CACNA2D4: variants seen among roughly 807,000 people sequenced by gnomAD.
The protein encoded by CACNA2D4 is calcium voltage-gated channel auxiliary subunit alpha2delta 4, also known as voltage-dependent calcium channel subunit alpha-2/delta-4.
Under a neutral mutation model 163.8 loss-of-function variants are expected in CACNA2D4, and 157 were observed. The observed-to-expected ratio is 0.96, with a 90% CI of 0.84 to 1.09. The LOEUF (loss-of-function observed/expected upper bound fraction) is 1.09. Among genes scored for constraint, CACNA2D4 ranks in the 50% least tolerant of loss-of-function variants. The pLI, the probability that CACNA2D4 is intolerant of heterozygous loss-of-function variation, is 0.00. For synonymous variants in CACNA2D4, 598 were observed against 586.9 expected (o/e 1.02, Z -0.27); for missense variants, 1,410 against 1,479.9 (o/e 0.95, Z 0.78).
intron 1 of CACNA2D4, chr12:1,915,301 GT>G: frequency 1.4e-6 from 1 of 701,870 alleles, no homozygotes. Context: ...TCCTCGGCAG[GT>G]TCTCCTGCTG....
chr12:1,814,269 AG>A (rs1197123803), intron 26 of CACNA2D4, among the ~76,000 whole-genome samples: 1 of 152,090 alleles, frequency 6.6e-6, no homozygotes, highest in Admixed American at 6.5e-5. Context: ...GTGGGGGTGT[AG>A]GTGTTGAGGC....
In CACNA2D4 at chr12:1,869,082, A is replaced by G. The variant is rs1404357561; in HGVS notation, c.1878+5522T>C. Among the ~76,000 whole-genome samples the G allele has an allele frequency of 1.3e-5, 2 of 152,196 alleles. No homozygotes were observed. Among genetic ancestry groups the G allele is most frequent in the Admixed American group, 1.3e-4 (2 of 15,280 alleles). ...GGGATGACTGCGCATCACGTTGTGC[A>G]CCTTAAATATATACAATCGAAAAGC... On this transcript the variant is annotated intron_variant, in intron 18 of 37. Transcript: ENST00000382722. The surrounding 1 kb of genome is among the most constrained non-coding windows in gnomAD (Gnocchi z 4.7).
chr12:1,849,386 A>T (rs1487370647), intron 23 of CACNA2D4, among the ~76,000 whole-genome samples: 1 of 152,196 alleles, frequency 6.6e-6, no homozygotes, highest in Non-Finnish European at 1.5e-5. Context: ...CTCTATTCAG[A>T]ATAACAATGC....
chr12:1,811,724 C>A lies in CACNA2D4; in HGVS notation c.2552-1G>T. ...TCCAGCTTCATTTGGACGCCCGCGG[C>A]TACAGGGCAGAAAGAGAGAGGGCAA... On this transcript the variant is annotated splice_acceptor_variant, in intron 26 of 37. Transcript: ENST00000382722. LOFTEE classifies it high-confidence loss of function. The A allele has an allele frequency of 6.4e-7, 1 of 1,558,598 alleles. No individual in the cohort carries two copies. The highest frequency in any genetic ancestry group is 1.4e-5 in the African/African-American group (1 of 73,388).
At chr12:1,867,387 C>T (rs980873311) in intron 18 of CACNA2D4, among the ~76,000 whole-genome samples, 2 of 152,088 alleles carry the variant, frequency 1.3e-5, no homozygotes, top group African/African-American at 2.4e-5. Context: ...GTTTCTTTCT[C>T]TGTCTTTTTC....
chr12:1,797,693 G>A (rs141158279), intron 34 of CACNA2D4, 158 bp from the exon 35 acceptor site: 5 of 670,028 alleles, frequency 7.5e-6, no homozygotes, highest in South Asian at 6.2e-5. Context: ...CGGGCGGGGG[G>A]TGAGGGGAGG....
At chr12:1,867,475 C>A (rs1865678442) in intron 18 of CACNA2D4, among the ~76,000 whole-genome samples, 1 of 152,234 alleles carries the variant, frequency 6.6e-6, no homozygotes, top group South Asian at 2.1e-4. Flanking sequence ...TATTCTACAA[C>A]CTGCTGGGAA....
chr12:1,832,071 A>G lies in CACNA2D4; in HGVS notation c.2551+8668T>C, dbSNP rs556626048. ...CCCAAGTTTTATTATCCAAACTTTAAGAAGAAGTCAAATGGGTTAGGCTTT... is the reference window on the plus strand; with the variant it reads ...CCCAAGTTTTATTATCCAAACTTTAGGAAGAAGTCAAATGGGTTAGGCTTT... On this transcript the variant is annotated intron_variant, in intron 26 of 37. Transcript: ENST00000382722. Among the ~76,000 whole-genome samples, 26 of 152,368 alleles carry G rather than the reference A, an allele frequency of 1.7e-4. No homozygotes were observed. In the South Asian group the frequency reaches 5.2e-3, roughly 30 times the overall value.
At chr12:1,854,584 T>C (rs1865361087) in intron 22 of CACNA2D4, among the ~76,000 whole-genome samples, 1 of 152,178 alleles carries the variant, frequency 6.6e-6, no homozygotes, top group Non-Finnish European at 1.5e-5. Context: ...TTTTGTAATT[T>C]TTGTAGAGAC....
At chr12:1,819,662 C>G (rs940311894) in intron 26 of CACNA2D4, among the ~76,000 whole-genome samples, 1 of 152,192 alleles carries the variant, frequency 6.6e-6, no homozygotes, top group Non-Finnish European at 1.5e-5. Context: ...CAGCCACTTC[C>G]CATCTCTTAG....
intron 29 of CACNA2D4, among the ~76,000 whole-genome samples, chr12:1,808,912 G>A (rs1267684539): frequency 6.6e-6 from 1 of 152,210 alleles, no homozygotes; most frequent in Non-Finnish European, 1.5e-5. Context: ...GGGCATGAAA[G>A]GGAGAAGGGG....
chr12:1,834,605 T>G lies in CACNA2D4; in HGVS notation c.2551+6134A>C, dbSNP rs765496607. 6.2e-7 allele frequency: 1 copy of G among 1,600,078 alleles called. No individual in the cohort carries two copies. The highest frequency in any genetic ancestry group is 8.5e-7 in the Non-Finnish European group (1 of 1,179,900). ...GATGGTGGTGGCCGCTGCCTATGGC[T>G]GCATCTACGCCTCCCTCATGGCCAA... On this transcript the variant is annotated intron_variant, in intron 26 of 37. Coordinates refer to ENST00000382722, the MANE Select transcript of CACNA2D4 (RefSeq NM_172364.5). This position sits in a 1 kb window ranked among gnomAD's most constrained non-coding sequence, Gnocchi z 7.6.
At chr12:1,860,094 G>A in intron 19 of CACNA2D4, 51 bp downstream of exon 19, 1 of 1,440,758 alleles carries the variant, frequency 6.9e-7, no homozygotes, top group Non-Finnish European at 9.8e-7. Flanking sequence ...ATGAGTTGCT[G>A]GTATTCATGT....
At chr12:1,908,345 G>A (rs1417079417) in intron 4 of CACNA2D4, among the ~76,000 whole-genome samples, 1 of 152,180 alleles carries the variant, frequency 6.6e-6, no homozygotes, top group Non-Finnish European at 1.5e-5. Context: ...AGGCAGCCGC[G>A]GAGTCAAGGA....
intron 25 of CACNA2D4, among the ~76,000 whole-genome samples, chr12:1,842,163 G>A (rs1216323794): frequency 6.6e-6 from 1 of 152,178 alleles, no homozygotes. Context: ...CTGGCTCACC[G>A]TGGCTACCTG....
intron 26 of CACNA2D4, chr12:1,831,416 A>G (rs2154447151): frequency 6.2e-7 from 1 of 1,614,072 alleles, no homozygotes; most frequent in East Asian, 2.2e-5. Flanking sequence ...ACCGGCTGAC[A>G]TTTGAACCCC....
chr12:1,877,140 C>T (rs1214350610), intron 16 of CACNA2D4, among the ~76,000 whole-genome samples: 2 of 152,190 alleles, frequency 1.3e-5, no homozygotes, highest in African/African-American at 2.4e-5. Flanking sequence ...AATTAGAGTA[C>T]AAGCCTCTGT....
At position 1,844,626 on chromosome 12, in the gene CACNA2D4, G is replaced by A. The variant is rs2154447848; in HGVS notation, c.2343-97C>T. ...CAAGGTCAACTTGGCTGGGCTAAGA[G>A]AGTGATTTTAGCCCCTAAATTAGTA... On this transcript the variant is annotated intron_variant, in intron 24 of 37. Coordinates refer to ENST00000382722, the MANE Select transcript of CACNA2D4 (RefSeq NM_172364.5). This position sits in a 1 kb window ranked among gnomAD's most constrained non-coding sequence, Gnocchi z 4.2. 5.2e-6 allele frequency: 7 copies of A among 1,352,942 alleles called. No individual in the cohort carries two copies. The highest frequency in any genetic ancestry group is 2.0e-5 in the Admixed American group (1 of 49,266). 83.8% of individuals were successfully genotyped at this position (1,352,942 alleles called of 1,614,324 possible).
intron 18 of CACNA2D4, among the ~76,000 whole-genome samples, chr12:1,871,532 C>T (rs868446617): frequency 6.8e-6 from 1 of 147,988 alleles, no homozygotes; most frequent in South Asian, 2.1e-4. Flanking sequence ...ATGTGTGCCA[C>T]TGATGTGTGC....
Sources: allele counts gnomAD v4.1 joint callset (sites outside exome capture counted in the v4.1 genomes callset), GRCh38; gene constraint gnomAD v4.1.1; non-coding constraint Gnocchi (gnomAD v3.1); transcripts MANE v1.5; gene names NCBI Gene and HGNC (gene_info 2026-07-23, HGNC 2026-07-21).